The following ATP9B variants were observed in gnomAD, a reference collection of about 807,000 sequenced individuals.
ATP9B encodes the protein ATPase phospholipid transporting 9B.
A neutral mutation model predicts 146.1 loss-of-function variants in ATP9B; 110 were observed. That is an observed-to-expected ratio of 0.75 (90% CI 0.65 to 0.88). The LOEUF (loss-of-function observed/expected upper bound fraction) is 0.88. Ranked by LOEUF, ATP9B falls within the 40% of genes least tolerant of loss-of-function variation. The pLI, the probability that ATP9B is intolerant of heterozygous loss-of-function variation, is 0.00. For synonymous variants in ATP9B, 604 were observed against 569.7 expected (o/e 1.06, Z -0.86); for missense variants, 1,499 against 1,496.4 (o/e 1.00, Z -0.03).
intron 11 of ATP9B, among the ~76,000 whole-genome samples, chr18:79,222,907 A>G (rs2095694420): frequency 6.6e-6 from 1 of 152,214 alleles, no homozygotes; most frequent in Non-Finnish European, 1.5e-5. Context: ...TTTAAGGGAG[A>G]AAAATTCTTG....
intron 8 of ATP9B, among the ~76,000 whole-genome samples, chr18:79,188,831 T>G (rs2095333971): frequency 6.6e-6 from 1 of 152,096 alleles, no homozygotes; most frequent in Admixed American, 6.5e-5. Flanking sequence ...AGATCTTTCT[T>G]CAATTTTACT....
chr18:79,233,894 TAAG>T (rs1382338196), intron 11 of ATP9B, among the ~76,000 whole-genome samples: 5 of 152,196 alleles, frequency 3.3e-5, no homozygotes, highest in African/African-American at 1.2e-4. Context: ...AGAATGCTAT[TAAG>T]AAAATCATAA....
At chr18:79,262,068 G>A (rs1422569420) in intron 12 of ATP9B, among the ~76,000 whole-genome samples, 1 of 151,962 alleles carries the variant, frequency 6.6e-6, no homozygotes, top group East Asian at 1.9e-4. Context: ...GTACCCTCGG[G>A]GCCCTGCAGC....
At chr18:79,152,581 A>G (rs2094707101) in intron 6 of ATP9B, among the ~76,000 whole-genome samples, 1 of 152,228 alleles carries the variant, frequency 6.6e-6, no homozygotes, top group African/African-American at 2.4e-5. Context: ...TTACCTCTCA[A>G]AAAGTCATGA....
chr18:79,129,445 A>G (rs1205084896), intron 5 of ATP9B, among the ~76,000 whole-genome samples: 2 of 152,296 alleles, frequency 1.3e-5, no homozygotes, highest in South Asian at 2.1e-4. Context: ...AGGCTGCCGC[A>G]CAGAGCCAGG....
chr18:79,338,247 C>A (rs115352371), intron 19 of ATP9B, among the ~76,000 whole-genome samples: 1 of 152,200 alleles, frequency 6.6e-6, no homozygotes, highest in Non-Finnish European at 1.5e-5. Context: ...TGTGCCTGGC[C>A]CCTGGGCTCA....
chr18:79,200,788 T>TGGGGACTGTTGG (rs370231088), intron 9 of ATP9B, among the ~76,000 whole-genome samples: 3 of 35,456 alleles, frequency 8.5e-5, no homozygotes, highest in East Asian at 6.1e-4. Flanking sequence ...GAAGTAGTGG[T>TGGGGACTGTTGG]GGAATTGTTT....
chr18:79,113,970 CCTTT>C (rs1168270699), intron 4 of ATP9B, among the ~76,000 whole-genome samples: 3 of 152,042 alleles, frequency 2.0e-5, no homozygotes, highest in African/African-American at 4.8e-5. Flanking sequence ...CTTACTACTT[CCTTT>C]ATTTTTATTT....
At chr18:79,075,249 T>C (rs1470905803) in intron 1 of ATP9B, among the ~76,000 whole-genome samples, 1 of 152,206 alleles carries the variant, frequency 6.6e-6, no homozygotes, top group Non-Finnish European at 1.5e-5. Flanking sequence ...CCTTCTGGGC[T>C]CAAGCCATCC....
intron 13 of ATP9B, among the ~76,000 whole-genome samples, chr18:79,289,418 G>A (rs1245944266): frequency 1.3e-5 from 2 of 152,054 alleles, no homozygotes; most frequent in African/African-American, 2.4e-5. Context: ...GGCTCCTGAG[G>A]CTTCTGCATT....
At chr18:79,118,547 C>T (rs1300666673) in intron 4 of ATP9B, among the ~76,000 whole-genome samples, 1 of 151,492 alleles carries the variant, frequency 6.6e-6, no homozygotes, top group East Asian at 1.9e-4. Context: ...ACTACAGATA[C>T]CTGCCACCAT....
rs937656257 is a variant in ATP9B, at chr18:79,322,409, G to A, written c.1774-6732G>A. Among the ~76,000 whole-genome samples, 91 of 152,312 alleles carry A rather than the reference G, an allele frequency of 6.0e-4. 1 individual carries two copies. The highest frequency in any genetic ancestry group is 5.0e-3 in the Admixed American group (77 of 15,302). On this transcript the variant is annotated intron_variant, in intron 15 of 29. Coordinates refer to ENST00000426216, the MANE Select transcript of ATP9B (RefSeq NM_198531.5). ...CACACCATCCCAAATGTGGGGCACA[G>A]AACCATTCCGACATTCTCCTGGCCG...
intron 4 of ATP9B, among the ~76,000 whole-genome samples, chr18:79,118,357 T>C (rs2094124154): frequency 2.7e-5 from 4 of 150,214 alleles, no homozygotes; most frequent in South Asian, 2.1e-4. Context: ...AAATACTTGC[T>C]CATTTTAAAA....
Position 79,151,629 on chromosome 18 carries a change from G to A in ATP9B, c.727-2875G>A, listed in dbSNP as rs560295426. Among the ~76,000 whole-genome samples, 3 of 152,184 alleles carry A rather than the reference G, an allele frequency of 2.0e-5. No homozygotes were observed. In the South Asian group the frequency reaches 6.2e-4, roughly 32 times the overall value. Reference sequence around the variant, plus strand: ...CCTGCACGTGGTTTTGCAAAGTGGTGTACCAAATTCTACTCCAATCAGCGT... The same window carrying A: ...CCTGCACGTGGTTTTGCAAAGTGGTATACCAAATTCTACTCCAATCAGCGT... On this transcript the variant is annotated intron_variant, in intron 6 of 29. Transcript: ENST00000426216.
chr18:79,195,803 A>G (rs1212094071), intron 9 of ATP9B, among the ~76,000 whole-genome samples: 1 of 152,212 alleles, frequency 6.6e-6, no homozygotes, highest in African/African-American at 2.4e-5. Flanking sequence ...AAGAGAGTCA[A>G]GGAAACGAGA....
chr18:79,237,953 G>T (rs554740629), intron 11 of ATP9B, among the ~76,000 whole-genome samples: 28 of 152,170 alleles, frequency 1.8e-4, no homozygotes, highest in Admixed American at 1.3e-3. Flanking sequence ...GCTTCTCAAA[G>T]TATTGGAATT....
In ATP9B at chr18:79,159,214, TAAA is replaced by T. The variant is rs140346186; in HGVS notation, c.778+4663_778+4665del. 4.8e-3 allele frequency among the ~76,000 whole-genome samples: 724 copies of T among 152,320 alleles called. 5 individuals carry two copies. The highest frequency in any genetic ancestry group is 0.024 in the South Asian group (116 of 4,830). On this transcript the variant is annotated intron_variant, in intron 7 of 29. Transcript: ENST00000426216. ...CATTCATTCTGTCAATCTGCTTGTT[TAAA>T]AAATCAGCTTTAGTTAGGAAAATTC... is the stretch of plus-strand genomic sequence containing the variant.
intron 5 of ATP9B, among the ~76,000 whole-genome samples, chr18:79,129,385 G>A (rs2094339910): frequency 6.6e-6 from 1 of 152,168 alleles, no homozygotes; most frequent in Non-Finnish European, 1.5e-5. Context: ...GTGCAAGAAG[G>A]AAGGGAAGGA....
intron 8 of ATP9B, among the ~76,000 whole-genome samples, chr18:79,187,178 G>C (rs1472549095): frequency 3.3e-5 from 5 of 152,208 alleles, no homozygotes; most frequent in African/African-American, 1.2e-4. Flanking sequence ...ATCTTGTTCT[G>C]TGTATGAAAT....
Sources: gnomAD v4.1 joint callset for allele counts (sites outside exome capture counted in the v4.1 genomes callset) on GRCh38, gnomAD v4.1.1 for gene constraint, MANE v1.5 for transcripts, NCBI Gene and HGNC (gene_info 2026-07-23, HGNC 2026-07-21) for gene names.